Variants in CD276 observed in about 807,000 individuals in gnomAD.
The protein encoded by CD276 is CD276 antigen.
CD276 carries 34 observed loss-of-function variants against 50.0 expected under a neutral mutation model. That is an observed-to-expected ratio of 0.68 (90% CI 0.52 to 0.91). The LOEUF (loss-of-function observed/expected upper bound fraction) is 0.91, where lower values mean the gene tolerates loss of function less well. CD276 is among the 40% of genes least tolerant of loss of function. CD276 has a pLI of 0.00. For synonymous variants in CD276, 275 were observed against 313.0 expected, an observed-to-expected ratio of 0.88 and a Z score of 1.28; for missense variants, 634 against 717.5, an observed-to-expected ratio of 0.88 and a Z score of 1.33.
At chr15:73,705,793 A>G (rs1900625790) in intron 6 of CD276, among the ~76,000 whole-genome samples, 1 of 152,114 alleles carries the variant, frequency 6.6e-6, no homozygotes, top group Admixed American at 6.6e-5. Flanking sequence ...CTTGAAGGAT[A>G]AGGGGTCTTT....
intron 1 of CD276, among the ~76,000 whole-genome samples, chr15:73,696,987 A>G (rs1900203256): frequency 6.6e-6 from 1 of 152,038 alleles, no homozygotes; most frequent in Non-Finnish European, 1.5e-5. Context: ...AAGAACCCAC[A>G]GGCCTTGGTT....
intron 8 of CD276, 79 bp from the exon 9 acceptor site, chr15:73,711,056 C>G (rs377600414): frequency 1.3e-6 from 2 of 1,486,566 alleles, no homozygotes; most frequent in East Asian, 4.5e-5. Flanking sequence ...CCAGCCCTCA[C>G]TCCTCCCTCT....
chr15:73,712,811 C>G (rs1219866106), intron 9 of CD276, 123 bp from the exon 10 acceptor site: 2 of 1,004,648 alleles, frequency 2.0e-6, no homozygotes, highest in Non-Finnish European at 3.0e-6. Flanking sequence ...GCTGCTGTCT[C>G]ACACACACTC....
intron 1 of CD276, among the ~76,000 whole-genome samples, chr15:73,698,270 T>C (rs1056202871): frequency 1.1e-4 from 16 of 152,240 alleles, no homozygotes; most frequent in Admixed American, 2.6e-4. Flanking sequence ...GTTCTCTCTC[T>C]GCATTCCCAC....
At chr15:73,708,622 T>G in intron 7 of CD276, 149 bp downstream of exon 7, 1 of 861,508 alleles carries the variant, frequency 1.2e-6, no homozygotes, top group Non-Finnish European at 1.8e-6. Context: ...TGTGTGACCT[T>G]GAGTCTACGT....
intron 1 of CD276, among the ~76,000 whole-genome samples, chr15:73,689,246 A>C (rs1899893811): frequency 6.7e-6 from 1 of 149,276 alleles, no homozygotes; most frequent in Non-Finnish European, 1.5e-5. Flanking sequence ...TTCCACATGC[A>C]TGTATAGGTC....
At chr15:73,685,616 A>T (rs1236296120) in intron 1 of CD276, among the ~76,000 whole-genome samples, 1 of 152,032 alleles carries the variant, frequency 6.6e-6, no homozygotes, top group Non-Finnish European at 1.5e-5. Flanking sequence ...TCTTATAAGC[A>T]TGTCTTCAGC....
chr15:73,689,992 T>A (rs1899926878), intron 1 of CD276, among the ~76,000 whole-genome samples: 1 of 152,178 alleles, frequency 6.6e-6, no homozygotes, highest in Non-Finnish European at 1.5e-5. Flanking sequence ...GCAAAAGAAT[T>A]TACATGTTCA....
chr15:73,708,385 G>A lies in CD276; in HGVS notation c.1416G>A (p.Gly472=), dbSNP rs368212813. ...FPPEALWVTV[G]LSVCLIALLV... is the part of the protein sequence containing the mutation. The stretch of plus-strand genomic sequence containing the variant: ...CAGAGGCCCTGTGGGTGACCGTGGG[G>A]CTGTCTGTCTGTCTCATTGCACTGC... The change falls in exon 7 of 10, where the codon GGG becomes GGA. Residue 472 remains glycine, a synonymous_variant. Coordinates refer to ENST00000318443, the MANE Select transcript of CD276 (RefSeq NM_001024736.2). 6.2e-6 allele frequency: 10 copies of A among 1,614,056 alleles called. No homozygotes were observed. Among genetic ancestry groups the A allele is most frequent in the African/African-American group, 5.3e-5 (4 of 74,912 alleles).
Position 73,684,436 on chromosome 15 carries a change from T to A in CD276, c.-79T>A, listed in dbSNP as rs1382611397. ...ACTGAGCCAGGCTGGGCCGCGTCCC[T>A]GAGTCCCAGAGTCGGCGCGGCGCGG... On this transcript the variant is annotated 5_prime_UTR_variant, in exon 1 of 10. Transcript: ENST00000318443. 1 of 151,848 alleles carries A rather than the reference T, an allele frequency of 6.6e-6. No individual in the cohort carries two copies. The highest frequency in any genetic ancestry group is 1.5e-5 in the Non-Finnish European group (1 of 68,018). 9.4% of individuals were successfully genotyped at this position (151,848 alleles called of 1,614,324 possible).
intron 2 of CD276, among the ~76,000 whole-genome samples, chr15:73,700,195 CT>C (rs1248362580): frequency 6.6e-6 from 1 of 152,182 alleles, no homozygotes; most frequent in African/African-American, 2.4e-5. Flanking sequence ...TGCTTGCTTC[CT>C]CCCTGTTCAA....
chr15:73,695,872 T>G (rs1362549998), intron 1 of CD276, among the ~76,000 whole-genome samples: 3 of 152,024 alleles, frequency 2.0e-5, no homozygotes, highest in Admixed American at 1.3e-4. Flanking sequence ...TGGGAGGAAG[T>G]AGGGGGTTAG....
rs747656526 is a variant in CD276 at position 73,703,888 on chromosome 15, C to T, written c.963C>T (p.Gly321=). Reference sequence around the variant, plus strand: ...TCTTCCCGGACCTGCTGGCACAAGGCAATGCATCCCTGAGGCTGCAGCGCG... The same window carrying T: ...TCTTCCCGGACCTGCTGGCACAAGGTAATGCATCCCTGAGGCTGCAGCGCG... ...TALFPDLLAQ[G]NASLRLQRVR... The change falls in exon 5 of 10, where the codon GGC becomes GGT. Residue 321 remains glycine (G), a synonymous_variant. Transcript: ENST00000318443. 4.3e-6 allele frequency: 7 copies of T among 1,613,624 alleles called. No individual in the cohort carries two copies. The South Asian group carries it at 6.6e-5, about 15-fold the overall frequency.
rs1366588836 is a variant in CD276, at chr15:73,703,777, C to G, written c.852C>G (p.Ile284Met). The change falls in exon 5 of 10, where the codon ATC becomes ATG. Residue 284 changes from isoleucine to methionine, a missense_variant. Ile to Met is a conservative substitution (Grantham distance 10). Coordinates refer to ENST00000318443, the MANE Select transcript of CD276 (RefSeq NM_001024736.2). ...TCAGCCTGGCACAGCTCAACCTCAT[C>G]TGGCAGCTGACAGACACCAAACAGC... Reference protein sequence around the residue: ...PGFSLAQLNLIWQLTDTKQLV... With the variant: ...PGFSLAQLNLMWQLTDTKQLV... 6.2e-7 allele frequency: 1 copy of G among 1,613,712 alleles called. No homozygotes were observed. Among genetic ancestry groups the G allele is most frequent in the South Asian group, 1.1e-5 (1 of 91,088 alleles).
At chr15:73,694,089 A>G (rs1218054674) in intron 1 of CD276, among the ~76,000 whole-genome samples, 1 of 152,180 alleles carries the variant, frequency 6.6e-6, no homozygotes. Flanking sequence ...CTGGGAGTCC[A>G]TAGGACATTT....
intron 2 of CD276, among the ~76,000 whole-genome samples, chr15:73,700,901 T>C (rs7174074): frequency 0.043 from 70 of 1,620 alleles, no homozygotes; most frequent in Non-Finnish European, 0.053. Context: ...CCCCTCCTCC[T>C]CCTCCTCTTT....
rs537242679 is a variant in CD276, at chr15:73,704,062, C to A, written c.1072+65C>A. 1.3e-5 allele frequency: 21 copies of A among 1,567,100 alleles called. No homozygotes were observed. The East Asian group carries it at 2.1e-4, about 16-fold the overall frequency. On this transcript the variant is annotated intron_variant, in intron 5 of 9. Transcript: ENST00000318443. The surrounding 1 kb of genome is among the most constrained non-coding windows in gnomAD (Gnocchi z 4.1). ...CTCCATTCCCTCTGCAGCCCACCCTCTGCTGCACCACTGCTCCCAGAACCC... is the reference window on the plus strand; with the variant it reads ...CTCCATTCCCTCTGCAGCCCACCCTATGCTGCACCACTGCTCCCAGAACCC...
intron 7 of CD276, 153 bp downstream of exon 7, chr15:73,708,626 TCTA>T (rs1193957586): frequency 5.9e-6 from 5 of 845,580 alleles, no homozygotes; most frequent in Non-Finnish European, 9.2e-6. Flanking sequence ...TGACCTTGAG[TCTA>T]CGTCTTGTGT....
In CD276 at chr15:73,713,841, G is replaced by A. The variant is rs571895056; in HGVS notation, c.*885G>A. The A allele has an allele frequency of 1.9e-4, 85 of 441,886 alleles. No individual in the cohort carries two copies. Among genetic ancestry groups the A allele is most frequent in the South Asian group, 1.3e-3 (80 of 61,872 alleles). 27.4% of individuals were successfully genotyped at this position (441,886 alleles called of 1,614,324 possible). A position where few individuals can be genotyped will look rare whatever the true frequency, so the allele number is the denominator to read the frequency against. On this transcript the variant is annotated 3_prime_UTR_variant, in exon 10 of 10. Coordinates refer to ENST00000318443, the MANE Select transcript of CD276 (RefSeq NM_001024736.2). ...TCCTTTCTTTTCATGTATCCATTCA[G>A]TTGATGTTTATTGAGCAACTACAGA...
Sources: gnomAD v4.1 joint callset for allele counts (sites outside exome capture counted in the v4.1 genomes callset) on GRCh38, gnomAD v4.1.1 for gene constraint, Gnocchi (gnomAD v3.1) non-coding constraint, MANE v1.5 for transcripts, NCBI Gene and HGNC (gene_info 2026-07-23, HGNC 2026-07-21) for gene names.